Variants in GPT2 observed in about 807,000 individuals in gnomAD.
GPT2 encodes the protein glutamic--pyruvic transaminase 2.
Under a neutral mutation model 56.9 loss-of-function variants are expected in GPT2, and 30 were observed. That is an observed-to-expected ratio of 0.53 (90% CI 0.39 to 0.72). The LOEUF (loss-of-function observed/expected upper bound fraction) is 0.72, where lower values mean the gene tolerates loss of function less well. GPT2 is among the 30% of genes least tolerant of loss of function. The pLI, the probability that GPT2 is intolerant of heterozygous loss-of-function variation, is 0.00. For synonymous variants in GPT2, 271 were observed against 283.1 expected, an observed-to-expected ratio of 0.96 and a Z score of 0.43; for missense variants, 542 against 703.4, an observed-to-expected ratio of 0.77 and a Z score of 2.60.
chr16:46,892,456 G>T (rs1356660804), intron 2 of GPT2, among the ~76,000 whole-genome samples: 1 of 152,056 alleles, frequency 6.6e-6, no homozygotes, highest in Non-Finnish European at 1.5e-5. Context: ...CCCAGCAGTG[G>T]GACTGCTGGA....
intron 2 of GPT2, among the ~76,000 whole-genome samples, chr16:46,896,355 T>A (rs1206956515): frequency 6.6e-6 from 1 of 152,080 alleles, no homozygotes; most frequent in African/African-American, 2.4e-5. Context: ...GTCACAAGGG[T>A]CTTGGACTTC....
At position 46,885,091 on chromosome 16, in the gene GPT2, C is replaced by G. The variant is rs1960458527; in HGVS notation, c.243+133C>G. On this transcript the variant is annotated intron_variant, in intron 2 of 11. Coordinates refer to ENST00000340124, the MANE Select transcript of GPT2 (RefSeq NM_133443.4). ...CTCAGTCAGCCAAGCCTGGCTAAAA[C>G]GAGAGAATGCCCCCTCCCGCCCGTT... The G allele has an allele frequency of 5.2e-6, 7 of 1,350,404 alleles. No homozygotes were observed. The South Asian group carries it at 1.1e-4, about 21-fold the overall frequency. 83.7% of individuals were successfully genotyped at this position (1,350,404 alleles called of 1,614,324 possible).
In GPT2 at chr16:46,899,087, G is replaced by A. The variant is rs529599302; in HGVS notation, c.333+1350G>A. 7.7e-4 allele frequency among the ~76,000 whole-genome samples: 112 copies of A among 144,580 alleles called. 2 individuals carry two copies. In the South Asian group the frequency reaches 0.024, roughly 31 times the overall value. The allele number at this position is 144,580 out of a possible 152,430, so 94.9% of individuals were successfully genotyped here. On this transcript the variant is annotated intron_variant, in intron 3 of 11. Transcript: ENST00000340124. ...TGCTCTGTTGCCCAGGCTGGAGTGCGATTGTCATGATCACTGCTCTCTGTA... is the reference window on the plus strand; with the variant it reads ...TGCTCTGTTGCCCAGGCTGGAGTGCAATTGTCATGATCACTGCTCTCTGTA...
intron 9 of GPT2, among the ~76,000 whole-genome samples, chr16:46,923,006 G>A (rs1362559479): frequency 2.0e-5 from 3 of 152,048 alleles, no homozygotes; most frequent in African/African-American, 7.2e-5. Context: ...TCACAATGTT[G>A]TGCGGCCATC....
intron 10 of GPT2, among the ~76,000 whole-genome samples, 191 bp from the exon 11 acceptor site, chr16:46,926,734 T>C (rs1961422556): frequency 6.6e-6 from 1 of 152,216 alleles, no homozygotes; most frequent in South Asian, 2.1e-4. Flanking sequence ...CTGCAGTAGT[T>C]TTCAGGTGTC....
Position 46,909,814 on chromosome 16 carries a change from A to G in GPT2, c.707A>G (p.Asp236Gly). Residue 236 changes from aspartate (D) to glycine (G), a missense_variant, in exon 6 of 12, where the codon GAC (aspartate) becomes GGC (glycine). Coordinates refer to ENST00000340124, the MANE Select transcript of GPT2 (RefSeq NM_133443.4). ...GCCATCCAGGTGAATTACTACCTGG[A>G]CGAGGAGAACTGCTGGGCGCTGAAT... ...LDAIQVNYYLDEENCWALNVN... is the reference protein window; with the variant it reads ...LDAIQVNYYLGEENCWALNVN... 6.2e-7 allele frequency: 1 copy of G among 1,614,172 alleles called. No individual in the cohort carries two copies. The highest frequency in any genetic ancestry group is 1.3e-5 in the African/African-American group (1 of 75,036).
chr16:46,926,854 A>C, intron 10 of GPT2, 71 bp from the exon 11 acceptor site: 1 of 1,006,138 alleles, frequency 9.9e-7, no homozygotes, highest in Non-Finnish European at 1.4e-6. Flanking sequence ...TTTAGATTAC[A>C]TTTGGCTTTG....
rs749593671 is a variant in GPT2 at position 46,884,808 on chromosome 16, C to T, written c.93C>T (p.Ala31=). 3.9e-6 allele frequency: 6 copies of T among 1,527,410 alleles called. No homozygotes were observed. The South Asian group carries it at 4.9e-5, about 12-fold the overall frequency. 94.6% of individuals were successfully genotyped at this position (1,527,410 alleles called of 1,614,324 possible). A position where few individuals can be genotyped will look rare whatever the true frequency, so the allele number is the denominator to read the frequency against. Residue 31 remains alanine, a synonymous_variant, in exon 2 of 12, where the codon GCC becomes GCT. Transcript: ENST00000340124. ...GCCAGAGCAGCGCGGCCGCCGAGGC[C>T]TCGGCGGTGCTCAAGGTGCGGCCCG... ...GRSQSSAAAE[A]SAVLKVRPER...
At chr16:46,914,562 G>T (rs1890802580) in intron 6 of GPT2, among the ~76,000 whole-genome samples, 1 of 152,162 alleles carries the variant, frequency 6.6e-6, no homozygotes, top group Non-Finnish European at 1.5e-5. Flanking sequence ...ATAATAAAAT[G>T]TGTTGTAAGT....
Position 46,929,012 on chromosome 16 carries a change from C to T in GPT2, c.*15C>T. The T allele has an allele frequency of 6.2e-7, 1 of 1,601,848 alleles. No individual in the cohort carries two copies. The highest frequency in any genetic ancestry group is 1.3e-5 in the African/African-American group (1 of 74,812). On this transcript the variant is annotated 3_prime_UTR_variant, in exon 12 of 12. Transcript: ENST00000340124. ...AGTACGCGTGAGGACGCCTGAGCCC[C>T]AGCGGGAGACCTGTCCTTGGCTCTT...
At chr16:46,922,118 A>C in intron 8 of GPT2, 124 bp from the exon 9 acceptor site, 1 of 814,132 alleles carries the variant, frequency 1.2e-6, no homozygotes, top group Non-Finnish European at 2.0e-6. Context: ...CATTGGCAAG[A>C]ACTCAGCCAC....
chr16:46,889,948 A>ACG (rs1361436309), intron 2 of GPT2, among the ~76,000 whole-genome samples: 2 of 151,880 alleles, frequency 1.3e-5, no homozygotes, highest in African/African-American at 4.8e-5. Context: ...GTCTTGAGCA[A>ACG]CTCGCACTAT....
chr16:46,884,884 G>T lies in GPT2; in HGVS notation c.169G>T (p.Val57Leu). The change falls in exon 2 of 12, where the codon GTG becomes TTG. Residue 57 changes from valine to leucine, a missense_variant. Val to Leu is a conservative substitution (Grantham distance 32, BLOSUM62 1). Transcript: ENST00000340124. Reference protein sequence around the residue: ...ILTLESMNPQVKAVEYAVRGP... With the variant: ...ILTLESMNPQLKAVEYAVRGP... The stretch of plus-strand genomic sequence containing the variant: ...CACGCTGGAGTCCATGAACCCGCAG[G>T]TGAAGGCGGTGGAGTACGCCGTGCG... 1.9e-6 allele frequency: 3 copies of T among 1,544,848 alleles called. No homozygotes were observed. The highest frequency in any genetic ancestry group is 2.6e-6 in the Non-Finnish European group (3 of 1,145,272).
chr16:46,918,586 A>G (rs2143527729), intron 7 of GPT2, 35 bp from the exon 8 acceptor site: 3 of 1,610,148 alleles, frequency 1.9e-6, no homozygotes, highest in East Asian at 2.2e-5. Context: ...CTCTTTGAGG[A>G]CCCTTTGGTG....
chr16:46,921,798 C>T (rs1400172470), intron 8 of GPT2, among the ~76,000 whole-genome samples: 4 of 152,048 alleles, frequency 2.6e-5, no homozygotes, highest in African/African-American at 9.7e-5. Flanking sequence ...GGGAGGATCG[C>T]TTGAGGCCAG....
In GPT2 at chr16:46,906,926, C is replaced by T. The variant is rs145485289; in HGVS notation, c.527C>T (p.Ala176Val). ...ACCAGGAGGGATGGCGGTGTGCCTGCGGACCCCGACAACATCTACCTGACC... is the reference window on the plus strand; with the variant it reads ...ACCAGGAGGGATGGCGGTGTGCCTGTGGACCCCGACAACATCTACCTGACC... ...YITRRDGGVP[A>V]DPDNIYLTTG... Residue 176 changes from alanine to valine, a missense_variant, in exon 5 of 12, where the codon GCG (alanine) becomes GTG (valine). By Grantham distance (64) the Ala-to-Val change is moderately conservative. Coordinates refer to ENST00000340124, the MANE Select transcript of GPT2 (RefSeq NM_133443.4). 3.7e-6 allele frequency: 6 copies of T among 1,614,228 alleles called. No homozygotes were observed. The African/African-American group carries it at 4.0e-5, about 11-fold the overall frequency.
Position 46,884,904 on chromosome 16 carries a change from C to T in GPT2, c.189C>T (p.Ala63=), listed in dbSNP as rs1308443525. The T allele has an allele frequency of 3.2e-6, 5 of 1,541,568 alleles. No homozygotes were observed. The highest frequency in any genetic ancestry group is 2.5e-5 in the East Asian group (1 of 40,256). The stretch of plus-strand genomic sequence containing the variant: ...CGCAGGTGAAGGCGGTGGAGTACGC[C>T]GTGCGGGGACCCATCGTGCTCAAGG... ...MNPQVKAVEY[A]VRGPIVLKAG... The change falls in exon 2 of 12, where the codon GCC becomes GCT. Residue 63 remains alanine (A), a synonymous_variant. Transcript: ENST00000340124.
intron 7 of GPT2, among the ~76,000 whole-genome samples, chr16:46,918,383 G>A (rs561991287): frequency 6.6e-6 from 1 of 152,334 alleles, no homozygotes; most frequent in East Asian, 1.9e-4. Flanking sequence ...GTGGGGACGA[G>A]TGTGAGAGAA....
intron 9 of GPT2, 51 bp downstream of exon 9, chr16:46,922,467 T>G: frequency 6.6e-7 from 1 of 1,525,098 alleles, no homozygotes; most frequent in Non-Finnish European, 8.8e-7. Context: ...TCACGAGAGT[T>G]CCTGCTGGGC....
Sources: allele counts gnomAD v4.1 joint callset (sites outside exome capture counted in the v4.1 genomes callset), GRCh38; gene constraint gnomAD v4.1.1; transcripts MANE v1.5; gene names NCBI Gene and HGNC (gene_info 2026-07-23, HGNC 2026-07-21).